Variants in YIPF6 observed in about 807,000 individuals in gnomAD.
YIPF6 encodes protein YIPF6.
YIPF6 carries 3 observed loss-of-function variants against 16.8 expected under a neutral mutation model. The ratio of observed to expected loss-of-function variants is 0.18; its 90% CI spans 0.08 to 0.46. The LOEUF (loss-of-function observed/expected upper bound fraction) is 0.46. Among genes scored for constraint, YIPF6 ranks in the 20% least tolerant of loss-of-function variants. YIPF6 has a pLI of 0.98. For synonymous variants in YIPF6, 67 were observed against 61.9 expected, an observed-to-expected ratio of 1.08 and a Z score of -0.38; for missense variants, 145 against 184.9, an observed-to-expected ratio of 0.78 and a Z score of 1.25.
intron 2 of YIPF6, among the ~76,000 whole-genome samples, chrX:68,512,457 AC>A (rs201967261): frequency 7.8e-4 from 87 of 111,383 alleles, no homozygotes; most frequent in African/African-American, 2.8e-3. Context: ...ATCTCAAAAA[AC>A]AAAAAAAAGG....
intron 1 of YIPF6, among the ~76,000 whole-genome samples, chrX:68,503,386 G>A (rs894699832): frequency 4.5e-5 from 5 of 112,024 alleles, no homozygotes; most frequent in African/African-American, 9.8e-5. Flanking sequence ...ATCTATATAT[G>A]TGCAAGAGCC....
intron 6 of YIPF6, among the ~76,000 whole-genome samples, chrX:68,530,424 A>C (rs958690444): frequency 9.1e-6 from 1 of 110,398 alleles, no homozygotes; most frequent in Non-Finnish European, 1.9e-5. Context: ...GGATCCGTTG[A>C]GCTAGACCAC....
chrX:68,528,427 CTT>C, intron 6 of YIPF6, among the ~76,000 whole-genome samples: 1 of 111,651 alleles, frequency 9.0e-6, no homozygotes, highest in Non-Finnish European at 1.9e-5. Context: ...GGTCTTGACT[CTT>C]TATCCAATTT....
At chrX:68,524,409 T>G (rs1372561660) in intron 6 of YIPF6, among the ~76,000 whole-genome samples, 1 of 110,404 alleles carries the variant, frequency 9.1e-6, no homozygotes, top group Non-Finnish European at 1.9e-5. Flanking sequence ...CCTCAGGTGA[T>G]CCACCCGCCT....
chrX:68,527,393 T>C (rs1346167977), intron 6 of YIPF6, among the ~76,000 whole-genome samples: 2 of 111,414 alleles, frequency 1.8e-5, no homozygotes, highest in Non-Finnish European at 3.8e-5. Context: ...GCTAGCGGTC[T>C]ATTTTGTTAA....
chrX:68,519,901 TA>T (rs768038455), intron 4 of YIPF6, among the ~76,000 whole-genome samples: 107 of 112,362 alleles, frequency 9.5e-4, no homozygotes, highest in African/African-American at 3.2e-3. Flanking sequence ...CGAGCATATA[TA>T]TTTTTTTTAC....
intron 1 of YIPF6, among the ~76,000 whole-genome samples, chrX:68,503,908 G>A (rs752747551): frequency 1.1e-4 from 12 of 111,984 alleles, no homozygotes; most frequent in South Asian, 3.7e-4. Flanking sequence ...GGGTAGAGAC[G>A]GGGTTTCACC....
intron 6 of YIPF6, among the ~76,000 whole-genome samples, chrX:68,524,773 T>G (rs1428630985): frequency 9.1e-6 from 1 of 110,493 alleles, no homozygotes; most frequent in Non-Finnish European, 1.9e-5. Context: ...ACATGTGGTG[T>G]TTGGTTTTCT....
chrX:68,506,681 C>T (rs2147818274), intron 1 of YIPF6, among the ~76,000 whole-genome samples: 1 of 110,791 alleles, frequency 9.0e-6, no homozygotes, highest in South Asian at 3.8e-4. Flanking sequence ...GCCTATATGA[C>T]AGAGCAAGAC....
chrX:68,503,059 T>A (rs1247323581), intron 1 of YIPF6, among the ~76,000 whole-genome samples: 1 of 111,044 alleles, frequency 9.0e-6, no homozygotes. Flanking sequence ...TGAACTATAG[T>A]CTGGGATCTT....
intron 3 of YIPF6, chrX:68,515,132 C>T (rs1312535780): frequency 1.4e-4 from 15 of 108,799 alleles, no homozygotes; most frequent in African/African-American, 5.0e-4. Context: ...CGAGACCATC[C>T]TGGCTAACAC....
At chrX:68,508,115 CT>C (rs564298459) in intron 1 of YIPF6, among the ~76,000 whole-genome samples, 94 of 94,682 alleles carry the variant, frequency 9.9e-4, no homozygotes, top group Non-Finnish European at 7.3e-4. Flanking sequence ...CTCAGCTATT[CT>C]TTTTTTTTTT....
At position 68,532,389 on chromosome X, in the gene YIPF6, A is replaced by C. The variant is rs1173605793; in HGVS notation, c.*390A>C. ...GTTTTGAGAATACCAGTTCAGGTGC[A>C]GCTCTTAAACACATTGCCTTATGAC... On this transcript the variant is annotated 3_prime_UTR_variant, in exon 7 of 7. Transcript: ENST00000462683. The C allele has an allele frequency of 1.7e-5, 2 of 119,949 alleles. No homozygotes were observed. The highest frequency in any genetic ancestry group is 6.5e-5 in the African/African-American group (2 of 30,979). The allele number at this position is 119,949 out of a possible 1,213,427, so 9.9% of individuals were successfully genotyped here.
Position 68,518,801 on chromosome X carries a change from G to A in YIPF6, c.297G>A (p.Val99=), listed in dbSNP as rs1250918215. ...TGTGGGGCCCTTTGATCCTTTGTGT[G>A]ACACTCGCATTGTAAGTACTTGCAT... ...WDLWGPLILC[V]TLALMLQRDS... Residue 99 remains valine (V), a synonymous_variant, in exon 4 of 7, where the codon GTG becomes GTA. Coordinates refer to ENST00000462683, the MANE Select transcript of YIPF6 (RefSeq NM_173834.4). 8.5e-7 allele frequency: 1 copy of A among 1,181,990 alleles called. No individual in the cohort carries two copies. Among genetic ancestry groups the A allele is most frequent in the Non-Finnish European group, 1.1e-6 (1 of 884,561 alleles).
intron 1 of YIPF6, among the ~76,000 whole-genome samples, chrX:68,510,148 A>C (rs771801159): frequency 6.3e-4 from 70 of 111,643 alleles, no homozygotes; most frequent in African/African-American, 2.2e-3. Flanking sequence ...ATGATTCAGT[A>C]AAGTATCTAG....
chrX:68,509,670 C>T (rs1339501407), intron 1 of YIPF6, among the ~76,000 whole-genome samples: 2 of 111,478 alleles, frequency 1.8e-5, no homozygotes, highest in Non-Finnish European at 3.8e-5. Flanking sequence ...ATCCTGTCCC[C>T]CTCCTAGCTG....
intron 1 of YIPF6, among the ~76,000 whole-genome samples, chrX:68,508,162 G>A (rs747339303): frequency 1.0e-4 from 11 of 105,799 alleles, no homozygotes; most frequent in African/African-American, 1.4e-4. Context: ...GTTCAGTGGC[G>A]TGATCTTGGG....
chrX:68,535,429 G>A lies in YIPF6; in HGVS notation c.*3430G>A, dbSNP rs1330780122. On this transcript the variant is annotated 3_prime_UTR_variant, in exon 7 of 7. Transcript: ENST00000462683. ...ATCAAGTCATTAGAATTTATCTAAA[G>A]CTTATCATGATTTGATAAGACATCC... 1 of 112,136 alleles carries A rather than the reference G, an allele frequency of 8.9e-6. No individual in the cohort carries two copies. The highest frequency in any genetic ancestry group is 1.9e-5 in the Non-Finnish European group (1 of 53,288). The allele number at this position is 112,136 out of a possible 1,213,427, so 9.2% of individuals were successfully genotyped here.
chrX:68,510,178 T>G (rs1406965968), intron 1 of YIPF6, among the ~76,000 whole-genome samples: 1 of 111,713 alleles, frequency 9.0e-6, no homozygotes, highest in Non-Finnish European at 1.9e-5. Context: ...ATTATTCTAC[T>G]TGGGGAATGG....
Sources: gnomAD v4.1 joint callset for allele counts (sites outside exome capture counted in the v4.1 genomes callset) on GRCh38, gnomAD v4.1.1 for gene constraint, MANE v1.5 for transcripts, NCBI Gene and HGNC (gene_info 2026-07-23, HGNC 2026-07-21) for gene names.